The following COL24A1 variants were observed in gnomAD, a reference collection of about 807,000 sequenced individuals.
The protein encoded by COL24A1 is collagen alpha-1(XXIV) chain.
In COL24A1, 224 loss-of-function variants were observed where a neutral mutation model predicts 253.9. That is an observed-to-expected ratio of 0.88 (90% CI 0.79 to 0.99). The LOEUF is 0.99. Ranked by LOEUF, COL24A1 falls within the 50% of genes least tolerant of loss-of-function variation. The probability of loss-of-function intolerance (pLI) is 0.00; values close to 1 mark genes in which losing one functional copy is unlikely to be tolerated. For synonymous variants in COL24A1, 685 were observed against 673.7 expected (o/e 1.02, Z -0.26); for missense variants, 2,131 against 2,068.5 (o/e 1.03, Z -0.59).
rs186778152 is a variant in COL24A1, at chr1:85,922,309, T to C, written c.2563-10876A>G. On this transcript the variant is annotated intron_variant, in intron 24 of 59. Transcript: ENST00000370571. Reference sequence around the variant, plus strand: ...TAGGCCAACATTCAAATTCAGGAAATACAGAGAATTCCACAAAGATACTCC... The same window carrying C: ...TAGGCCAACATTCAAATTCAGGAAACACAGAGAATTCCACAAAGATACTCC... 1.1e-3 allele frequency among the ~76,000 whole-genome samples: 167 copies of C among 152,144 alleles called. 1 individual carries two copies. The highest frequency in any genetic ancestry group is 3.7e-3 in the African/African-American group (155 of 41,496).
chr1:85,946,327 G>T (rs1377306086), intron 24 of COL24A1, among the ~76,000 whole-genome samples: 1 of 152,080 alleles, frequency 6.6e-6, no homozygotes, highest in East Asian at 1.9e-4. Context: ...CACACCATGT[G>T]CCTTTTGCCT....
At chr1:85,870,244 A>C (rs1268401619) in intron 35 of COL24A1, among the ~76,000 whole-genome samples, 2 of 152,170 alleles carry the variant, frequency 1.3e-5, no homozygotes, top group Non-Finnish European at 2.9e-5. Flanking sequence ...ACACAATAAT[A>C]ATGGGAGACT....
Position 86,124,839 on chromosome 1 carries a change from A to G in COL24A1, c.1491+6T>C, listed in dbSNP as rs77865946. On this transcript the variant is annotated splice_donor_region_variant and intron_variant, in intron 3 of 59. Transcript: ENST00000370571. The stretch of plus-strand genomic sequence containing the variant: ...ATTAGGAGATATTAAAAAAAAAAAA[A>G]CTTACGGGAGGTCCAGTGTCTCCTT... 6.6e-7 allele frequency: 1 copy of G among 1,523,482 alleles called. No individual in the cohort carries two copies. The highest frequency in any genetic ancestry group is 2.3e-5 in the Admixed American group (1 of 43,678). The allele number at this position is 1,523,482 out of a possible 1,614,324, so 94.4% of individuals were successfully genotyped here.
rs1407192314 is a variant in COL24A1, at chr1:85,823,665, A to G, written c.3735+20T>C. 1 of 1,613,734 alleles carries G rather than the reference A, an allele frequency of 6.2e-7. No homozygotes were observed. The highest frequency in any genetic ancestry group is 1.3e-5 in the African/African-American group (1 of 75,038). ...GTTATATTAATGTTAATTTTTAGAA[A>G]TAATGCTTTCAAAACATACTGGGGG... On this transcript the variant is annotated intron_variant, in intron 44 of 59. Transcript: ENST00000370571.
At chr1:86,068,929 C>T (rs923149275) in intron 7 of COL24A1, among the ~76,000 whole-genome samples, 6 of 152,106 alleles carry the variant, frequency 3.9e-5, no homozygotes, top group African/African-American at 1.4e-4. Context: ...GGATTCATCA[C>T]CTGTTGACCA....
intron 28 of COL24A1, among the ~76,000 whole-genome samples, chr1:85,906,937 T>C (rs776660130): frequency 1.3e-5 from 2 of 151,808 alleles, no homozygotes; most frequent in Non-Finnish European, 3.0e-5. Context: ...AGGCTGGGAA[T>C]AAGAAACAAG....
chr1:86,104,796 G>A (rs1438022613), intron 5 of COL24A1, among the ~76,000 whole-genome samples: 1 of 152,212 alleles, frequency 6.6e-6, no homozygotes, highest in Non-Finnish European at 1.5e-5. Flanking sequence ...CATTCCAATG[G>A]GTAGTGCTAG....
At chr1:86,040,148 A>T (rs1429394436) in intron 12 of COL24A1, among the ~76,000 whole-genome samples, 1 of 152,096 alleles carries the variant, frequency 6.6e-6, no homozygotes, top group Non-Finnish European at 1.5e-5. Flanking sequence ...GATGTGGTAT[A>T]CAACATCATG....
intron 24 of COL24A1, among the ~76,000 whole-genome samples, chr1:85,960,086 A>C (rs948033483): frequency 6.6e-6 from 1 of 152,194 alleles, no homozygotes; most frequent in African/African-American, 2.4e-5. Context: ...TTAGGACTAC[A>C]CAGATACTCT....
At chr1:86,156,091 C>A (rs919470707) in intron 1 of COL24A1, 4 of 385,018 alleles carry the variant, frequency 1.0e-5, no homozygotes, top group African/African-American at 4.2e-5. Context: ...CGCCAGCGAG[C>A]TTTTCCTCTC....
chr1:86,144,080 C>T (rs1305781444), intron 2 of COL24A1, among the ~76,000 whole-genome samples: 1 of 151,838 alleles, frequency 6.6e-6, no homozygotes, highest in Non-Finnish European at 1.5e-5. Context: ...TTTTTTTGTG[C>T]TCAAAAATAT....
At chr1:85,730,746 A>G (rs1663395165) in intron 59 of COL24A1, 54 bp from the exon 60 acceptor site, 1 of 1,569,540 alleles carries the variant, frequency 6.4e-7, no homozygotes, top group African/African-American at 1.4e-5. Flanking sequence ...AGTCACTTTC[A>G]GTAGACAATG....
At position 85,838,593 on chromosome 1, in the gene COL24A1, C is replaced by T. The variant is rs766073339; in HGVS notation, c.3673G>A (p.Gly1225Arg). Residue 1225 changes from glycine (G) to arginine (R), a missense_variant, in exon 43 of 60, where the codon GGA becomes AGA. Gly to Arg is a moderately radical substitution (Grantham distance 125). Transcript: ENST00000370571. Reference protein sequence around the residue: ...QGERGEPGAEGYKGHVGVPGL... With the variant: ...QGERGEPGAERYKGHVGVPGL... ...GTATAACTTGCAATTACCTTATATC[C>T]CTCTGCTCCAGGCTCTCCTCTCTCT... The T allele has an allele frequency of 2.5e-6, 4 of 1,613,598 alleles. No homozygotes were observed. The highest frequency in any genetic ancestry group is 1.1e-5 in the South Asian group (1 of 91,054).
chr1:86,031,058 A>G (rs992812069), intron 14 of COL24A1, among the ~76,000 whole-genome samples: 2 of 152,194 alleles, frequency 1.3e-5, no homozygotes, highest in African/African-American at 4.8e-5. Context: ...CAACTTAAGT[A>G]TCCATCAGTA....
In COL24A1 at chr1:85,842,117, T is replaced by C; in HGVS notation, c.3521A>G (p.His1174Arg). ...TCCAGAGGGTCCTGGTTGGCCCTGA[T>C]GGCCCTACGAAAGGACAAGTAGACA... is the stretch of plus-strand genomic sequence containing the variant. ...GEPGIPGYRG[H>R]QGQPGPSGLP... Residue 1174 changes from histidine (H) to arginine (R), a missense_variant, in exon 41 of 60, where the codon CAT (histidine) becomes CGT (arginine). Coordinates refer to ENST00000370571, the MANE Select transcript of COL24A1 (RefSeq NM_152890.7). 2 of 1,613,676 alleles carry C rather than the reference T, an allele frequency of 1.2e-6. No individual in the cohort carries two copies. The highest frequency in any genetic ancestry group is 2.2e-5 in the East Asian group (1 of 44,842).
intron 55 of COL24A1, among the ~76,000 whole-genome samples, chr1:85,760,373 G>A (rs1434230734): frequency 6.6e-6 from 1 of 152,118 alleles, no homozygotes; most frequent in Non-Finnish European, 1.5e-5. Context: ...TGTCCACACA[G>A]GGAGAGTTTC....
intron 37 of COL24A1, among the ~76,000 whole-genome samples, chr1:85,851,685 G>T (rs763651738): frequency 6.6e-6 from 1 of 152,066 alleles, no homozygotes; most frequent in Non-Finnish European, 1.5e-5. Context: ...ATGGAAAAAC[G>T]TATAGCTACT....
At chr1:86,057,566 T>C (rs1458407446) in intron 10 of COL24A1, among the ~76,000 whole-genome samples, 2 of 152,192 alleles carry the variant, frequency 1.3e-5, no homozygotes, top group Non-Finnish European at 2.9e-5. Context: ...TTTTGTATAA[T>C]AAAATGATCT....
chr1:85,980,291 G>A (rs555261586), intron 20 of COL24A1, among the ~76,000 whole-genome samples: 3 of 152,100 alleles, frequency 2.0e-5, no homozygotes, highest in East Asian at 3.9e-4. Context: ...CAAGGATGCC[G>A]ACTTTCACCA....
Sources: allele counts gnomAD v4.1 joint callset (sites outside exome capture counted in the v4.1 genomes callset), GRCh38; gene constraint gnomAD v4.1.1; transcripts MANE v1.5; gene names NCBI Gene and HGNC (gene_info 2026-07-23, HGNC 2026-07-21).